The following ROR2 variants were observed in gnomAD, a reference collection of about 807,000 sequenced individuals.
ROR2 encodes the protein tyrosine-protein kinase transmembrane receptor ROR2.
A neutral mutation model predicts 74.9 loss-of-function variants in ROR2; 33 were observed. The observed-to-expected ratio is 0.44, with a 90% CI of 0.33 to 0.59. The LOEUF is 0.59. Ranked by LOEUF, ROR2 falls within the 20% of genes least tolerant of loss-of-function variation. ROR2 has a pLI of 0.02. For missense variants in ROR2, 1,216 were observed against 1,313.8 expected (o/e 0.93, Z 1.15); for synonymous variants, 586 against 558.7 (o/e 1.05, Z -0.69).
chr9:91,727,392 C>T (rs1460559589), intron 7 of ROR2, among the ~76,000 whole-genome samples: 5 of 147,558 alleles, frequency 3.4e-5, no homozygotes, highest in South Asian at 4.7e-4. Flanking sequence ...CACCAGCTAC[C>T]TTCCCTGCAT....
At chr9:91,939,670 G>A (rs1192688782) in intron 1 of ROR2, among the ~76,000 whole-genome samples, 2 of 151,994 alleles carry the variant, frequency 1.3e-5, no homozygotes, top group Non-Finnish European at 2.9e-5. Flanking sequence ...ACACCAAGAA[G>A]GAGAAAATTG....
intron 1 of ROR2, among the ~76,000 whole-genome samples, chr9:91,921,092 T>A (rs1348937843): frequency 6.6e-6 from 1 of 152,222 alleles, no homozygotes; most frequent in Non-Finnish European, 1.5e-5. Flanking sequence ...CTCAACCAGG[T>A]GCCAAATGGC....
chr9:91,923,122 A>G (rs150523010), intron 1 of ROR2, among the ~76,000 whole-genome samples: 118 of 152,298 alleles, frequency 7.7e-4, no homozygotes, highest in African/African-American at 2.2e-3. Context: ...AAGATGCCCA[A>G]TGTATTTTAT....
In ROR2 at chr9:91,810,617, G is replaced by A. The variant is rs1270890411; in HGVS notation, c.98-34799C>T. Among the ~76,000 whole-genome samples the A allele has an allele frequency of 3.3e-5, 5 of 152,172 alleles. No individual in the cohort carries two copies. In the East Asian group the frequency reaches 9.6e-4, roughly 29 times the overall value. On this transcript the variant is annotated intron_variant, in intron 1 of 8. Coordinates refer to ENST00000375708, the MANE Select transcript of ROR2 (RefSeq NM_004560.4). ...CAACACCTCAGTAAATTCCACCTCA[G>A]ACAGGGCATTCACACAGGACGCCTG...
Position 91,733,281 on chromosome 9 carries a change from C to G in ROR2, c.778G>C (p.Glu260Gln), listed in dbSNP as rs748267132. ...ELCRDECEVL[E>Q]SDLCRQEYTI... is the part of the protein sequence containing the mutation. ...TACTCCTGGCGGCACAGGTCGCTCT[C>G]CAGCACCTCGCACTCGTCGCGGCAC... Residue 260 changes from glutamate (E) to glutamine (Q), a missense_variant, in exon 6 of 9, where the codon GAG (glutamate) becomes CAG (glutamine). By Grantham distance (29) the Glu-to-Gln change is conservative. Transcript: ENST00000375708. This position sits in a 1 kb window ranked among gnomAD's most constrained non-coding sequence, Gnocchi z 5.7. 3.7e-6 allele frequency: 6 copies of G among 1,612,890 alleles called. No homozygotes were observed. The South Asian group carries it at 5.5e-5, about 15-fold the overall frequency.
At chr9:91,892,378 C>T (rs1051854621) in intron 1 of ROR2, among the ~76,000 whole-genome samples, 4 of 152,162 alleles carry the variant, frequency 2.6e-5, no homozygotes, top group African/African-American at 7.2e-5. Context: ...GGCACCCTGG[C>T]TCCCACCTTG....
chr9:91,891,026 A>G (rs1168456114), intron 1 of ROR2, among the ~76,000 whole-genome samples: 1 of 152,156 alleles, frequency 6.6e-6, no homozygotes, highest in Non-Finnish European at 1.5e-5. Flanking sequence ...GCTAAATTCT[A>G]TGCAGGACTT....
chr9:91,724,548 A>G lies in ROR2; in HGVS notation c.1946T>C (p.Leu649Pro). The change falls in exon 9 of 9, where the codon CTG becomes CCG. Residue 649 changes from leucine to proline, a missense_variant. By Grantham distance (98) the Leu-to-Pro change is moderately conservative (BLOSUM62 -3). Coordinates refer to ENST00000375708, the MANE Select transcript of ROR2 (RefSeq NM_004560.4). ...EVYAADYYKLLGNSLLPIRWM... is the reference protein window; with the variant it reads ...EVYAADYYKLPGNSLLPIRWM... ...GCGGATAGGCAGCAGCGAGTTCCCCAGCAGCTTGTAGTAATCGGCGGCATA... is the reference window on the plus strand; with the variant it reads ...GCGGATAGGCAGCAGCGAGTTCCCCGGCAGCTTGTAGTAATCGGCGGCATA... 6.2e-7 allele frequency: 1 copy of G among 1,614,192 alleles called. No homozygotes were observed. The highest frequency in any genetic ancestry group is 2.2e-5 in the East Asian group (1 of 44,868).
At chr9:91,755,488 G>A (rs1034548044) in intron 4 of ROR2, among the ~76,000 whole-genome samples, 10 of 152,248 alleles carry the variant, frequency 6.6e-5, no homozygotes, top group African/African-American at 2.4e-4. Context: ...GGGCAGTTCA[G>A]AGGGGACTCT....
chr9:91,895,014 G>T (rs956485801), intron 1 of ROR2, among the ~76,000 whole-genome samples: 1 of 152,186 alleles, frequency 6.6e-6, no homozygotes, highest in Non-Finnish European at 1.5e-5. Flanking sequence ...CCAAAACTTG[G>T]AAGCAGATGT....
At chr9:91,834,011 G>A (rs947158072) in intron 1 of ROR2, among the ~76,000 whole-genome samples, 4 of 152,198 alleles carry the variant, frequency 2.6e-5, no homozygotes, top group African/African-American at 9.7e-5. Flanking sequence ...GTGGAGAGTG[G>A]GTAGGCCGTC....
chr9:91,846,972 A>T (rs1200612453), intron 1 of ROR2, among the ~76,000 whole-genome samples: 1 of 152,148 alleles, frequency 6.6e-6, no homozygotes. Flanking sequence ...AGATAACCAC[A>T]GGGTACCGCA....
intron 1 of ROR2, among the ~76,000 whole-genome samples, chr9:91,932,961 T>C (rs1235896994): frequency 2.6e-5 from 4 of 152,122 alleles, no homozygotes; most frequent in African/African-American, 9.7e-5. Flanking sequence ...GGAGAATAAA[T>C]TGCTGCCACC....
In ROR2 at chr9:91,724,723, C is replaced by CG. The variant is rs749576600; in HGVS notation, c.1770dup (p.Asp591ArgfsTer126). The stretch of plus-strand genomic sequence containing the variant: ...ATCTGTGCCACAAGGTGCACGAAGT[C>CG]GGGGGGCTCCAGGGCGGACTTCACC... On this transcript the variant is annotated frameshift_variant, in exon 9 of 9. Coordinates refer to ENST00000375708, the MANE Select transcript of ROR2 (RefSeq NM_004560.4). LOFTEE classifies it high-confidence loss of function. 2 of 1,614,128 alleles carry CG rather than the reference C, an allele frequency of 1.2e-6. No homozygotes were observed.
At position 91,905,979 on chromosome 9, in the gene ROR2, C is replaced by CA. The variant is rs1298672978; in HGVS notation, c.97+43887dup. On this transcript the variant is annotated intron_variant, in intron 1 of 8. Transcript: ENST00000375708. The surrounding 1 kb of genome is among the most constrained non-coding windows in gnomAD (Gnocchi z 5.3). Reference sequence around the variant, plus strand: ...TAAGAAACTATTATTAATGAAGAAGCAAAAACACCCCTTAAAGAGAATTCT... The same window carrying CA: ...TAAGAAACTATTATTAATGAAGAAGCAAAAAACACCCCTTAAAGAGAATTCT... Among the ~76,000 whole-genome samples, 1 of 144,274 alleles carries CA rather than the reference C, an allele frequency of 6.9e-6. No individual in the cohort carries two copies. Among genetic ancestry groups the CA allele is most frequent in the South Asian group, 2.2e-4 (1 of 4,586 alleles). The allele number at this position is 144,274 out of a possible 152,430, so 94.6% of individuals were successfully genotyped here. A position where few individuals can be genotyped will look rare whatever the true frequency, so the allele number is the denominator to read the frequency against.
intron 1 of ROR2, among the ~76,000 whole-genome samples, chr9:91,913,005 T>A (rs1831033867): frequency 6.6e-6 from 1 of 152,162 alleles, no homozygotes. Context: ...GGCACATACC[T>A]GTAATCCCAG....
intron 1 of ROR2, among the ~76,000 whole-genome samples, chr9:91,818,256 T>C (rs1828010492): frequency 6.6e-6 from 1 of 152,226 alleles, no homozygotes; most frequent in Non-Finnish European, 1.5e-5. Context: ...ATTAGTAACT[T>C]CTAAGATGAC....
chr9:91,945,118 T>C (rs1362032640), intron 1 of ROR2, among the ~76,000 whole-genome samples: 2 of 152,068 alleles, frequency 1.3e-5, no homozygotes, highest in Admixed American at 6.5e-5. Flanking sequence ...CAGATCCATC[T>C]ACCAATTCAA....
chr9:91,775,721 A>G lies in ROR2; in HGVS notation c.175+20T>C. The G allele has an allele frequency of 6.2e-7, 1 of 1,607,298 alleles. No homozygotes were observed. The highest frequency in any genetic ancestry group is 1.1e-5 in the South Asian group (1 of 90,914). ...AGGGCATTTGGAGGACATGGAGAGC[A>G]CCTGCATGTCCCAGCTCACCTTTCA... On this transcript the variant is annotated intron_variant, in intron 2 of 8. Transcript: ENST00000375708.
Sources: allele counts gnomAD v4.1 joint callset (sites outside exome capture counted in the v4.1 genomes callset), GRCh38; gene constraint gnomAD v4.1.1; non-coding constraint Gnocchi (gnomAD v3.1); transcripts MANE v1.5; gene names NCBI Gene and HGNC (gene_info 2026-07-23, HGNC 2026-07-21).